Variants in FRAS1 observed in about 807,000 individuals in gnomAD.
FRAS1 encodes extracellular matrix organizing protein FRAS1.
In FRAS1, 290 loss-of-function variants were observed where a neutral mutation model predicts 435.2. The observed-to-expected ratio is 0.67, with a 90% CI of 0.61 to 0.73. FRAS1 has a LOEUF of 0.73. Ranked by LOEUF, FRAS1 falls within the 30% of genes least tolerant of loss-of-function variation. The pLI is 0.00. For missense variants in FRAS1, 4,860 were observed against 5,001.5 expected, an observed-to-expected ratio of 0.97 and a Z score of 0.85; for synonymous variants, 1,800 against 1,851.0, an observed-to-expected ratio of 0.97 and a Z score of 0.71.
intron 35 of FRAS1, among the ~76,000 whole-genome samples, chr4:78,427,413 C>T (rs1428948726): frequency 1.3e-5 from 2 of 151,886 alleles, no homozygotes; most frequent in African/African-American, 2.4e-5. Context: ...CTGTTATAAG[C>T]AACAAAAAAT....
chr4:78,270,712 G>A (rs1297673752), intron 9 of FRAS1, among the ~76,000 whole-genome samples: 2 of 151,996 alleles, frequency 1.3e-5, no homozygotes, highest in Admixed American at 1.3e-4. Context: ...TCAAAACATT[G>A]TTTTAAGTGA....
At chr4:78,116,465 A>T (rs1313122645) in intron 2 of FRAS1, among the ~76,000 whole-genome samples, 1 of 152,130 alleles carries the variant, frequency 6.6e-6, no homozygotes, top group Non-Finnish European at 1.5e-5. Flanking sequence ...GTGGGAGTCT[A>T]AGTCTCTTTG....
intron 4 of FRAS1, among the ~76,000 whole-genome samples, chr4:78,250,205 A>G (rs1439685452): frequency 6.6e-6 from 1 of 152,198 alleles, no homozygotes; most frequent in Non-Finnish European, 1.5e-5. Context: ...CAGAAAAAAT[A>G]TCACTAGTAA....
chr4:78,097,474 C>A (rs532638787), intron 2 of FRAS1, among the ~76,000 whole-genome samples: 2 of 152,176 alleles, frequency 1.3e-5, no homozygotes, highest in Non-Finnish European at 2.9e-5. Context: ...TGAGGCTGGG[C>A]AATTCACAAA....
At chr4:78,441,737 CT>C (rs1734667276) in intron 41 of FRAS1, among the ~76,000 whole-genome samples, 1 of 152,102 alleles carries the variant, frequency 6.6e-6, no homozygotes, top group Non-Finnish European at 1.5e-5. Context: ...GTAAAAATTC[CT>C]GTCCTTTTAT....
chr4:78,088,127 A>G (rs971304767), intron 2 of FRAS1, among the ~76,000 whole-genome samples: 4 of 152,174 alleles, frequency 2.6e-5, no homozygotes, highest in African/African-American at 4.8e-5. Flanking sequence ...AATGCTGCAT[A>G]TCTACAACTA....
At chr4:78,288,467 T>C (rs933498755) in intron 14 of FRAS1, among the ~76,000 whole-genome samples, 4 of 152,182 alleles carry the variant, frequency 2.6e-5, no homozygotes, top group Admixed American at 6.5e-5. Context: ...GTTGTTTTAA[T>C]TGGTGATGCT....
At chr4:78,154,580 G>A (rs1354455410) in intron 2 of FRAS1, among the ~76,000 whole-genome samples, 1 of 152,158 alleles carries the variant, frequency 6.6e-6, no homozygotes, top group Non-Finnish European at 1.5e-5. Context: ...AAGAAACTCA[G>A]TTGACACTGG....
rs1720690694 is a variant in FRAS1, at chr4:78,501,803, A to G, written c.9316+1882A>G. Among the ~76,000 whole-genome samples, 3 of 152,112 alleles carry G rather than the reference A, an allele frequency of 2.0e-5. No individual in the cohort carries two copies. The South Asian group carries it at 6.2e-4, about 32-fold the overall frequency. On this transcript the variant is annotated intron_variant, in intron 61 of 73. Coordinates refer to ENST00000512123, the MANE Select transcript of FRAS1 (RefSeq NM_025074.7). ...AGTCATGAAGTCGTTACCCATGCCT[A>G]TGTCCTGAATGGTATTGCCTAGGTC...
At chr4:78,080,532 T>G (rs930972206) in intron 2 of FRAS1, among the ~76,000 whole-genome samples, 4 of 152,202 alleles carry the variant, frequency 2.6e-5, no homozygotes, top group Admixed American at 1.3e-4. Context: ...TTGGATACAT[T>G]CTATGGTTCA....
intron 2 of FRAS1, among the ~76,000 whole-genome samples, chr4:78,101,114 ATT>A (rs11286336): frequency 6.7e-6 from 1 of 150,370 alleles, no homozygotes; most frequent in African/African-American, 2.4e-5. Flanking sequence ...GAATAACTCG[ATT>A]TTTTTTTTAA....
intron 2 of FRAS1, among the ~76,000 whole-genome samples, chr4:78,208,444 A>G (rs1723356215): frequency 6.6e-6 from 1 of 152,210 alleles, no homozygotes; most frequent in South Asian, 2.1e-4. Flanking sequence ...ACCAGAAGAA[A>G]TCTGTGAATC....
intron 47 of FRAS1, among the ~76,000 whole-genome samples, chr4:78,456,183 A>G (rs188325098): frequency 7.3e-5 from 9 of 123,170 alleles, no homozygotes; most frequent in African/African-American, 2.7e-4. Flanking sequence ...TCACTCTGTC[A>G]CCCAGGCTGG....
intron 2 of FRAS1, among the ~76,000 whole-genome samples, chr4:78,150,332 C>T (rs1361216214): frequency 6.6e-6 from 1 of 152,064 alleles, no homozygotes; most frequent in Non-Finnish European, 1.5e-5. Flanking sequence ...CTTACTATTC[C>T]CTGTATATAA....
At chr4:78,478,124 T>G in intron 55 of FRAS1, 63 bp downstream of exon 55, 1 of 1,489,048 alleles carries the variant, frequency 6.7e-7, no homozygotes, top group South Asian at 1.3e-5. Context: ...GAGTTCCTAT[T>G]ATGTGCTAAG....
intron 6 of FRAS1, among the ~76,000 whole-genome samples, chr4:78,263,254 G>A (rs1035328364): frequency 6.6e-6 from 1 of 152,134 alleles, no homozygotes; most frequent in Non-Finnish European, 1.5e-5. Context: ...CAATCGTGTA[G>A]TTCTCTTGTT....
At chr4:78,447,113 G>A (rs1005819502) in intron 43 of FRAS1, among the ~76,000 whole-genome samples, 2 of 149,980 alleles carry the variant, frequency 1.3e-5, no homozygotes, top group Non-Finnish European at 3.0e-5. Context: ...AATTTCAGCC[G>A]TTTTTTTGCT....
At chr4:78,243,553 T>G (rs992198043) in intron 3 of FRAS1, among the ~76,000 whole-genome samples, 3 of 152,014 alleles carry the variant, frequency 2.0e-5, no homozygotes, top group African/African-American at 7.2e-5. Context: ...CATGCAAAAT[T>G]TTTATTCCTC....
intron 69 of FRAS1, among the ~76,000 whole-genome samples, chr4:78,526,012 CT>C (rs1721524191): frequency 6.6e-6 from 1 of 152,192 alleles, no homozygotes; most frequent in African/African-American, 2.4e-5. Flanking sequence ...GGTGCAGGGA[CT>C]TTCTGCAGGG....
Sources: gnomAD v4.1 joint callset for allele counts (sites outside exome capture counted in the v4.1 genomes callset) on GRCh38, gnomAD v4.1.1 for gene constraint, MANE v1.5 for transcripts, NCBI Gene and HGNC (gene_info 2026-07-23, HGNC 2026-07-21) for gene names.